Variants in ERC1 observed in about 807,000 individuals in gnomAD.
ERC1 encodes the protein RAB6 interacting protein 2.
In ERC1, 56 loss-of-function variants were observed where a neutral mutation model predicts 132.0. That is an observed-to-expected ratio of 0.42 (90% CI 0.34 to 0.53). The LOEUF (loss-of-function observed/expected upper bound fraction) is 0.53, where lower values mean the gene tolerates loss of function less well. Among genes scored for constraint, ERC1 ranks in the 20% least tolerant of loss-of-function variants. ERC1 has a pLI of 0.03. For missense variants in ERC1, 1,202 were observed against 1,349.9 expected (o/e 0.89, Z 1.72); for synonymous variants, 478 against 476.1 (o/e 1.00, Z -0.05).
chr12:1,080,684 TC>T (rs1174188485), intron 2 of ERC1, among the ~76,000 whole-genome samples: 2 of 152,136 alleles, frequency 1.3e-5, no homozygotes, highest in African/African-American at 4.8e-5. Flanking sequence ...TTTTGCTTCT[TC>T]CTGATTTTCT....
In ERC1 at chr12:1,458,728, G is replaced by C. The variant is rs572587176; in HGVS notation, c.3213+13978G>C. On this transcript the variant is annotated intron_variant, in intron 18 of 18. Coordinates refer to ENST00000360905, the MANE Select transcript of ERC1 (RefSeq NM_178040.4). ...TAATTTTGTATTTTTAGTAGAGACA[G>C]GGTTCCTCCATGTTGGTCAGGCTGG... 2.4e-4 allele frequency among the ~76,000 whole-genome samples: 37 copies of C among 152,160 alleles called. No individual in the cohort carries two copies. In the South Asian group the frequency reaches 7.5e-3, roughly 31 times the overall value.
intron 2 of ERC1, among the ~76,000 whole-genome samples, chr12:1,075,986 A>AAT (rs1463927589): frequency 6.6e-6 from 1 of 152,190 alleles, no homozygotes; most frequent in East Asian, 1.9e-4. Context: ...GAGATATATT[A>AAT]AAGTTTTATG....
At chr12:1,095,704 T>G (rs1485180692) in intron 3 of ERC1, among the ~76,000 whole-genome samples, 2 of 152,146 alleles carry the variant, frequency 1.3e-5, no homozygotes, top group Non-Finnish European at 2.9e-5. Flanking sequence ...TTTCCAGTCT[T>G]CTCTCTCTAT....
At chr12:1,050,504 T>C (rs1211307698) in intron 2 of ERC1, among the ~76,000 whole-genome samples, 1 of 152,204 alleles carries the variant, frequency 6.6e-6, no homozygotes, top group Non-Finnish European at 1.5e-5. Flanking sequence ...GTTTCTGGTT[T>C]AGGACTGCTG....
intron 1 of ERC1, among the ~76,000 whole-genome samples, chr12:1,008,470 T>C (rs1489000229): frequency 6.6e-6 from 1 of 152,124 alleles, no homozygotes; most frequent in Admixed American, 6.6e-5. Flanking sequence ...TGAGACAGGC[T>C]CTTGCTATGT....
chr12:1,164,203 T>C (rs947800918), intron 8 of ERC1, among the ~76,000 whole-genome samples: 1 of 151,278 alleles, frequency 6.6e-6, no homozygotes, highest in South Asian at 2.1e-4. Context: ...TTGTATTCTG[T>C]TGGTCATAGT....
intron 13 of ERC1, among the ~76,000 whole-genome samples, chr12:1,238,714 C>G (rs2075594055): frequency 6.6e-6 from 1 of 152,120 alleles, no homozygotes; most frequent in African/African-American, 2.4e-5. Context: ...CCCTGCTCAT[C>G]ATTTAATGTT....
chr12:1,462,838 G>C (rs1399075473), intron 18 of ERC1, among the ~76,000 whole-genome samples: 2 of 152,088 alleles, frequency 1.3e-5, no homozygotes, highest in Non-Finnish European at 2.9e-5. Context: ...AAAATACTCC[G>C]CCTCCAGTCT....
intron 18 of ERC1, among the ~76,000 whole-genome samples, chr12:1,460,692 G>A (rs992664002): frequency 6.6e-6 from 1 of 151,844 alleles, no homozygotes; most frequent in African/African-American, 2.4e-5. Flanking sequence ...ATTGCAAGAT[G>A]ATTTGAGTCA....
chr12:1,476,200 G>A (rs1228594518), intron 18 of ERC1, among the ~76,000 whole-genome samples: 1 of 151,492 alleles, frequency 6.6e-6, no homozygotes, highest in African/African-American at 2.4e-5. Flanking sequence ...AGATTGCAAT[G>A]AGCTGAGATC....
chr12:1,100,081 C>T (rs1424777392), intron 3 of ERC1, among the ~76,000 whole-genome samples: 1 of 151,882 alleles, frequency 6.6e-6, no homozygotes, highest in Non-Finnish European at 1.5e-5. Flanking sequence ...AACTCCTGAC[C>T]TCGTGATCCA....
chr12:1,361,521 A>AT (rs1180093336), intron 15 of ERC1, among the ~76,000 whole-genome samples: 1 of 152,222 alleles, frequency 6.6e-6, no homozygotes, highest in African/African-American at 2.4e-5. Flanking sequence ...TGCCACCTTC[A>AT]TAAGGGAAGC....
At chr12:1,295,282 T>C (rs990823422) in intron 15 of ERC1, among the ~76,000 whole-genome samples, 1 of 152,164 alleles carries the variant, frequency 6.6e-6, no homozygotes, top group East Asian at 1.9e-4. Context: ...ATTTAAAAAT[T>C]GTGGACTTTG....
At chr12:1,242,136 G>A (rs2075851171) in intron 13 of ERC1, among the ~76,000 whole-genome samples, 1 of 151,964 alleles carries the variant, frequency 6.6e-6, no homozygotes, top group African/African-American at 2.4e-5. Context: ...CGTAAGCCCA[G>A]CCTTTTTGCA....
intron 2 of ERC1, among the ~76,000 whole-genome samples, chr12:1,078,865 CAA>C (rs1297315611): frequency 2.7e-5 from 4 of 149,522 alleles, no homozygotes; most frequent in East Asian, 3.9e-4. Flanking sequence ...TGTAATATGA[CAA>C]AAGTCGATAT....
chr12:1,119,259 T>G (rs995020375), intron 7 of ERC1, among the ~76,000 whole-genome samples: 16 of 81,268 alleles, frequency 2.0e-4, no homozygotes, highest in African/African-American at 8.2e-4. Flanking sequence ...TTTTGTTTTG[T>G]TTTTTTTGTT....
chr12:1,405,521 T>C (rs1358503319), intron 16 of ERC1, among the ~76,000 whole-genome samples: 1 of 151,744 alleles, frequency 6.6e-6, no homozygotes, highest in Admixed American at 6.6e-5. Flanking sequence ...AAGGCCAACA[T>C]AGTGAAACCC....
intron 12 of ERC1, among the ~76,000 whole-genome samples, chr12:1,231,897 G>A (rs558026584): frequency 3.3e-5 from 5 of 152,074 alleles, no homozygotes; most frequent in South Asian, 2.1e-4. Flanking sequence ...CCGCCACCAC[G>A]CCCAGCTAAT....
chr12:1,331,485 T>C (rs542861561), intron 15 of ERC1, among the ~76,000 whole-genome samples: 231 of 152,316 alleles, frequency 1.5e-3, no homozygotes, highest in Middle Eastern at 3.4e-3. Context: ...CCATGAGCAT[T>C]TCCAGTGAAG....
Sources: gnomAD v4.1 joint callset for allele counts (sites outside exome capture counted in the v4.1 genomes callset) on GRCh38, gnomAD v4.1.1 for gene constraint, MANE v1.5 for transcripts, NCBI Gene and HGNC (gene_info 2026-07-23, HGNC 2026-07-21) for gene names.